The following C7orf57 variants were observed in gnomAD, a reference collection of about 807,000 sequenced individuals.
C7orf57 encodes the protein chromosome 7 open reading frame 57.
C7orf57 carries 33 observed loss-of-function variants against 39.0 expected under a neutral mutation model. The observed-to-expected ratio is 0.85, with a 90% CI of 0.64 to 1.13. The LOEUF is 1.13. C7orf57 is among the 50% of genes most tolerant of loss of function. The pLI is 0.00. For missense variants in C7orf57, 346 were observed against 362.3 expected (o/e 0.95, Z 0.37); for synonymous variants, 124 against 137.1 (o/e 0.90, Z 0.67).
rs989195185 is a variant in C7orf57 at position 48,035,882 on chromosome 7, G to A, written c.-102+252G>A. ...GTGGACGTGCCTGTACTGGATACCC[G>A]GCGTGACGTGCCCCCTCTGTGTGCC... On this transcript the variant is annotated intron_variant, in intron 1 of 8. Transcript: ENST00000348904. This position sits in a 1 kb window ranked among gnomAD's most constrained non-coding sequence, Gnocchi z 4.0. 6.6e-6 allele frequency among the ~76,000 whole-genome samples: 1 copy of A among 151,664 alleles called. No homozygotes were observed. The highest frequency in any genetic ancestry group is 2.4e-5 in the African/African-American group (1 of 41,226).
rs767919671 is a variant in C7orf57, at chr7:48,046,593, G to T, written c.484G>T (p.Glu162Ter). 2.5e-6 allele frequency: 4 copies of T among 1,613,360 alleles called. No individual in the cohort carries two copies. The highest frequency in any genetic ancestry group is 3.4e-6 in the Non-Finnish European group (4 of 1,179,610). ...AACAGTTTGGCAAAGAGAGGCTGAG[G>T]AACTTGAAAAGGAGAAAAAAAAGGT... is the stretch of plus-strand genomic sequence containing the variant. ...MKTVWQREAE[E>*]LEKEKKKLRL... is the part of the protein sequence containing the mutation. Residue 162 changes from glutamate to a stop codon, truncating the protein, a stop_gained, in exon 5 of 9, where the codon GAA becomes TAA. Transcript: ENST00000348904. LOFTEE classifies it high-confidence loss of function.
At chr7:48,043,628 A>G (rs1330523090) in intron 4 of C7orf57, 39 bp downstream of exon 4, 3 of 1,519,622 alleles carry the variant, frequency 2.0e-6, no homozygotes, top group South Asian at 2.3e-5. Context: ...GTTTATCTTT[A>G]CAGGAAAAAA....
intron 4 of C7orf57, among the ~76,000 whole-genome samples, chr7:48,044,135 C>G (rs546827927): frequency 6.6e-6 from 1 of 152,118 alleles, no homozygotes; most frequent in African/African-American, 2.4e-5. Flanking sequence ...GCCTCTAGCC[C>G]GATGGGGAGC....
At chr7:48,051,791 TTTC>T (rs1212455096) in intron 6 of C7orf57, among the ~76,000 whole-genome samples, 1 of 86,924 alleles carries the variant, frequency 1.2e-5, no homozygotes, top group East Asian at 2.6e-4. Context: ...TCTTTCTTTC[TTTC>T]TTTCCTTCCT....
chr7:48,051,727 TCTTTTTCTTTTCTTTCTTTTTC>T (rs1165707884), intron 6 of C7orf57, among the ~76,000 whole-genome samples: 1,080 of 25,636 alleles, frequency 0.042, 193 homozygotes, highest in Middle Eastern at 0.12. Context: ...TCTTTCTTTC[TCTTTTTCTTTTCTTTCTTTTTC>T]TTTTCTTTCT....
Position 48,060,212 on chromosome 7 carries a change from A to G in C7orf57, c.842-14A>G. ...GTCATCTTTGTCTACTCATTTATTTACTTTGTGTTGCAGGCCCAGAAGAAT... is the reference window on the plus strand; with the variant it reads ...GTCATCTTTGTCTACTCATTTATTTGCTTTGTGTTGCAGGCCCAGAAGAAT... On this transcript the variant is annotated splice_polypyrimidine_tract_variant and intron_variant, in intron 8 of 8. Transcript: ENST00000348904. The G allele has an allele frequency of 6.6e-7, 1 of 1,512,236 alleles. No individual in the cohort carries two copies. The highest frequency in any genetic ancestry group is 8.9e-7 in the Non-Finnish European group (1 of 1,120,458). 93.7% of individuals were successfully genotyped at this position (1,512,236 alleles called of 1,614,324 possible). A position where few individuals can be genotyped will look rare whatever the true frequency, so the allele number is the denominator to read the frequency against.
At chr7:48,057,409 C>T (rs1791146789) in intron 8 of C7orf57, among the ~76,000 whole-genome samples, 1 of 151,980 alleles carries the variant, frequency 6.6e-6, no homozygotes, top group African/African-American at 2.4e-5. Context: ...TCCTTACTTT[C>T]TTTTTCAGAT....
chr7:48,049,746 T>C (rs1219830498), intron 5 of C7orf57, 134 bp from the exon 6 acceptor site: 11 of 631,534 alleles, frequency 1.7e-5, no homozygotes, highest in Non-Finnish European at 3.1e-5. Flanking sequence ...TTATATTTTA[T>C]TGTGAGCATT....
intron 6 of C7orf57, among the ~76,000 whole-genome samples, chr7:48,051,726 C>CTT (rs144680412): frequency 1.0e-5 from 1 of 97,412 alleles, no homozygotes; most frequent in East Asian, 2.8e-4. Flanking sequence ...TTCTTTCTTT[C>CTT]TCTTTTTCTT....
chr7:48,043,095 C>G (rs900888882), intron 3 of C7orf57, among the ~76,000 whole-genome samples: 1 of 152,122 alleles, frequency 6.6e-6, no homozygotes. Flanking sequence ...GCTAGGAGAA[C>G]GGTGTGGGGG....
chr7:48,048,236 G>T (rs1467927415), intron 5 of C7orf57, among the ~76,000 whole-genome samples: 1 of 152,160 alleles, frequency 6.6e-6, no homozygotes, highest in Non-Finnish European at 1.5e-5. Flanking sequence ...CATCGGGATG[G>T]GCTCTGATTT....
At position 48,043,464 on chromosome 7, in the gene C7orf57, T is replaced by C. The variant is rs375590761; in HGVS notation, c.242-17T>C. On this transcript the variant is annotated splice_polypyrimidine_tract_variant and intron_variant, in intron 3 of 8. Transcript: ENST00000348904. ...GGCGGCGGGGTGTCTCACAGCCATG[T>C]CATTTTCTCTTTTGAGATTTGTTGA... is the stretch of plus-strand genomic sequence containing the variant. 6.2e-7 allele frequency: 1 copy of C among 1,603,962 alleles called. No homozygotes were observed. The highest frequency in any genetic ancestry group is 1.1e-5 in the South Asian group (1 of 90,614).
Position 48,035,598 on chromosome 7 carries a change from C to T in C7orf57, c.-134C>T. On this transcript the variant is annotated 5_prime_UTR_variant, in exon 1 of 9. Transcript: ENST00000348904. The surrounding 1 kb of genome is among the most constrained non-coding windows in gnomAD (Gnocchi z 4.0). ...GTAAAAACTCCAACGCCGGGCGCCG[C>T]GGGCAGCACCCACGGAGACCCGCGG... is the stretch of plus-strand genomic sequence containing the variant. 1 of 693,856 alleles carries T rather than the reference C, an allele frequency of 1.4e-6. No homozygotes were observed. Among genetic ancestry groups the T allele is most frequent in the Non-Finnish European group, 2.6e-6 (1 of 381,158 alleles). 43.0% of individuals were successfully genotyped at this position (693,856 alleles called of 1,614,324 possible).
chr7:48,051,412 G>A (rs940669685), intron 6 of C7orf57, among the ~76,000 whole-genome samples: 2 of 142,640 alleles, frequency 1.4e-5, no homozygotes, highest in African/African-American at 5.2e-5. Context: ...GTGCAGCGGC[G>A]CAATCTTGGC....
chr7:48,046,434 G>A (rs1017233916), intron 4 of C7orf57, 26 bp from the exon 5 acceptor site: 2 of 1,603,766 alleles, frequency 1.2e-6, no homozygotes, highest in South Asian at 1.1e-5. Context: ...TGAGCACCAG[G>A]CTGTAACTGG....
chr7:48,043,439 G>C (rs764309100), intron 3 of C7orf57, 42 bp from the exon 4 acceptor site: 3 of 1,471,242 alleles, frequency 2.0e-6, no homozygotes, highest in South Asian at 2.3e-5. Context: ...TCTGTGTAGG[G>C]GCGGCGGGGT....
intron 5 of C7orf57, among the ~76,000 whole-genome samples, chr7:48,047,760 C>T (rs577059945): frequency 2.7e-4 from 41 of 152,022 alleles, no homozygotes; most frequent in Non-Finnish European, 4.7e-4. Context: ...TGGAGTGCAG[C>T]GGCATTATCA....
Position 48,060,398 on chromosome 7 carries a change from T to G in C7orf57, c.*126T>G. The G allele has an allele frequency of 1.8e-6, 1 of 559,660 alleles. No individual in the cohort carries two copies. The highest frequency in any genetic ancestry group is 3.1e-6 in the Non-Finnish European group (1 of 327,822). The allele number at this position is 559,660 out of a possible 1,614,324, so 34.7% of individuals were successfully genotyped here. A position where few individuals can be genotyped will look rare whatever the true frequency, so the allele number is the denominator to read the frequency against. On this transcript the variant is annotated 3_prime_UTR_variant, in exon 9 of 9. Coordinates refer to ENST00000348904, the MANE Select transcript of C7orf57 (RefSeq NM_001100159.3). Reference sequence around the variant, plus strand: ...ATAGACTCTCATTGAATAATTTACCTTGCAGCAGATTTGACATTGCTGCAT... The same window carrying G: ...ATAGACTCTCATTGAATAATTTACCGTGCAGCAGATTTGACATTGCTGCAT...
chr7:48,051,043 A>C (rs2686789), intron 6 of C7orf57, among the ~76,000 whole-genome samples: 110,285 of 152,046 alleles, frequency 0.73, 42,295 homozygotes, highest in Middle Eastern at 0.86. Flanking sequence ...AGTGTGGGTC[A>C]GGATAAGATA....
Sources: gnomAD v4.1 joint callset for allele counts (sites outside exome capture counted in the v4.1 genomes callset) on GRCh38, gnomAD v4.1.1 for gene constraint, Gnocchi (gnomAD v3.1) non-coding constraint, MANE v1.5 for transcripts, NCBI Gene and HGNC (gene_info 2026-07-23, HGNC 2026-07-21) for gene names.